EIPR1: variants seen among roughly 807,000 people sequenced by gnomAD.
The protein encoded by EIPR1 is EARP complex and GARP complex interacting protein 1, also known as EARP and GARP complex-interacting protein 1.
EIPR1 carries 25 observed loss-of-function variants against 48.1 expected under a neutral mutation model. That is an observed-to-expected ratio of 0.52 (90% confidence interval 0.38 to 0.73). The LOEUF (loss-of-function observed/expected upper bound fraction) is 0.73, where lower values mean the gene tolerates loss of function less well. Ranked by LOEUF, EIPR1 falls within the 30% of genes least tolerant of loss-of-function variation. EIPR1 has a pLI of 0.00. For synonymous variants in EIPR1, 204 were observed against 201.9 expected, an observed-to-expected ratio of 1.01 and a Z score of -0.09; for missense variants, 415 against 506.2, an observed-to-expected ratio of 0.82 and a Z score of 1.73.
chr2:3,275,379 G>A (rs943218189), intron 3 of EIPR1, among the ~76,000 whole-genome samples: 41 of 149,676 alleles, frequency 2.7e-4, no homozygotes, highest in African/African-American at 1.0e-3. Context: ...AACACATAAA[G>A]CAAAAATTGA....
At chr2:3,234,236 G>A (rs1214899178) in intron 4 of EIPR1, among the ~76,000 whole-genome samples, 2 of 152,238 alleles carry the variant, frequency 1.3e-5, no homozygotes, top group African/African-American at 4.8e-5. Flanking sequence ...ATAAATTGTG[G>A]TTTGTGTCGC....
intron 3 of EIPR1, among the ~76,000 whole-genome samples, chr2:3,328,136 G>A (rs187440021): frequency 3.3e-4 from 50 of 152,252 alleles, no homozygotes; most frequent in African/African-American, 1.1e-3. Flanking sequence ...TGTTGGCACC[G>A]TTCCCTGGAA....
At chr2:3,252,747 C>T (rs2103210810) in intron 4 of EIPR1, among the ~76,000 whole-genome samples, 1 of 152,316 alleles carries the variant, frequency 6.6e-6, no homozygotes, top group African/African-American at 2.4e-5. Context: ...AAGGCCAGCT[C>T]AGGGGCTCCA....
At chr2:3,194,433 G>C in intron 6 of EIPR1, 1 of 293,082 alleles carries the variant, frequency 3.4e-6, no homozygotes, top group Admixed American at 4.6e-5. Context: ...TTGCTTTGTA[G>C]CCGTCAAAAA....
At chr2:3,348,179 G>A (rs1670462029) in intron 2 of EIPR1, among the ~76,000 whole-genome samples, 1 of 152,182 alleles carries the variant, frequency 6.6e-6, no homozygotes, top group Admixed American at 6.5e-5. Context: ...GCTTAGCTGA[G>A]AAACTAAGAC....
At chr2:3,192,286 TG>T in intron 8 of EIPR1, 127 bp downstream of exon 8, 1 of 1,137,052 alleles carries the variant, frequency 8.8e-7, no homozygotes, top group Non-Finnish European at 1.2e-6. Flanking sequence ...ACAGCTGCAG[TG>T]GGTAAGGAGA....
intron 2 of EIPR1, among the ~76,000 whole-genome samples, chr2:3,351,641 C>T (rs1363617441): frequency 6.6e-6 from 1 of 152,174 alleles, no homozygotes; most frequent in African/African-American, 2.4e-5. Context: ...TTCAGGTGGC[C>T]ACTGGTAACT....
At chr2:3,329,504 C>T (rs1211214852) in intron 3 of EIPR1, among the ~76,000 whole-genome samples, 2 of 149,708 alleles carry the variant, frequency 1.3e-5, no homozygotes, top group African/African-American at 2.5e-5. Context: ...AGAGCCCACC[C>T]GCCACACTCT....
intron 2 of EIPR1, among the ~76,000 whole-genome samples, chr2:3,349,502 A>G (rs1240750862): frequency 6.6e-6 from 1 of 152,268 alleles, no homozygotes; most frequent in Non-Finnish European, 1.5e-5. Context: ...AGAACTGCAC[A>G]ATACCACCAC....
At chr2:3,352,158 C>A (rs558634575) in intron 2 of EIPR1, among the ~76,000 whole-genome samples, 2 of 146,134 alleles carry the variant, frequency 1.4e-5, no homozygotes, top group East Asian at 4.2e-4. Flanking sequence ...CTGAGCCACC[C>A]ACACTGTCTG....
At chr2:3,291,517 T>G (rs777689024) in intron 3 of EIPR1, among the ~76,000 whole-genome samples, 2 of 152,204 alleles carry the variant, frequency 1.3e-5, no homozygotes, top group Non-Finnish European at 2.9e-5. Flanking sequence ...CAAAATTATA[T>G]CATAAAAACG....
At chr2:3,352,952 G>A (rs1443158662) in intron 2 of EIPR1, among the ~76,000 whole-genome samples, 8 of 152,194 alleles carry the variant, frequency 5.3e-5, no homozygotes, top group Non-Finnish European at 7.3e-5. Context: ...AGCTGAGATC[G>A]TGCCATTGCA....
At position 3,226,051 on chromosome 2, in the gene EIPR1, T is replaced by C. The variant is rs116811906; in HGVS notation, c.417-11803A>G. On this transcript the variant is annotated intron_variant, in intron 4 of 8. Coordinates refer to ENST00000382125, the MANE Select transcript of EIPR1 (RefSeq NM_003310.5). ...ATCCCTTCATCTGTCAAATGGACAA[T>C]TGCGTATTTTCTACATCTTGGCTAC... Among the ~76,000 whole-genome samples the C allele has an allele frequency of 5.6e-3, 860 of 152,344 alleles. 10 individuals carry two copies. Among genetic ancestry groups the C allele is most frequent in the African/African-American group, 0.02 (816 of 41,584 alleles).
intron 4 of EIPR1, among the ~76,000 whole-genome samples, chr2:3,227,691 T>C (rs988444708): frequency 2.6e-5 from 4 of 152,152 alleles, no homozygotes; most frequent in Non-Finnish European, 4.4e-5. Flanking sequence ...CCCAGAGGCC[T>C]AAGAGAAAAA....
At position 3,189,412 on chromosome 2, in the gene EIPR1, C is replaced by A. The variant is rs1307494248; in HGVS notation, c.1086G>T (p.Leu362=). 6 of 1,601,866 alleles carry A rather than the reference C, an allele frequency of 3.7e-6. No individual in the cohort carries two copies. Among genetic ancestry groups the A allele is most frequent in the South Asian group, 1.1e-5 (1 of 89,280 alleles). ...TCCCGTCATAGCTCAGGGAGGCAAA[C>A]AGCCACGGGTCAGCCGAGGACCAGT... The part of the protein sequence containing the change: ...AVDWSSADPW[L]FASLSYDGRL... Residue 362 remains leucine, a synonymous_variant, in exon 9 of 9, where the codon CTG becomes CTT. Coordinates refer to ENST00000382125, the MANE Select transcript of EIPR1 (RefSeq NM_003310.5). The surrounding 1 kb of genome is among the most constrained non-coding windows in gnomAD (Gnocchi z 4.6).
intron 5 of EIPR1, among the ~76,000 whole-genome samples, chr2:3,199,005 C>T (rs1322096692): frequency 6.9e-6 from 1 of 145,412 alleles, no homozygotes; most frequent in African/African-American, 2.5e-5. Flanking sequence ...GGGTGTGTTT[C>T]ATCCCTCATC....
intron 4 of EIPR1, among the ~76,000 whole-genome samples, chr2:3,216,051 G>C (rs1298648542): frequency 1.3e-5 from 2 of 152,154 alleles, no homozygotes; most frequent in East Asian, 1.9e-4. Flanking sequence ...GACTCTAATG[G>C]TGAAGATACT....
At chr2:3,343,757 A>G (rs1353013764) in intron 2 of EIPR1, among the ~76,000 whole-genome samples, 1 of 152,218 alleles carries the variant, frequency 6.6e-6, no homozygotes, top group Non-Finnish European at 1.5e-5. Context: ...GCCACAGCCC[A>G]GGGCCAGGCT....
intron 4 of EIPR1, among the ~76,000 whole-genome samples, chr2:3,214,914 G>A (rs1437446480): frequency 6.6e-6 from 1 of 151,542 alleles, no homozygotes; most frequent in African/African-American, 2.4e-5. Context: ...CTCACAATGG[G>A]ATTCATGCCT....
Sources: gnomAD v4.1 joint callset for allele counts (sites outside exome capture counted in the v4.1 genomes callset) on GRCh38, gnomAD v4.1.1 for gene constraint, Gnocchi (gnomAD v3.1) non-coding constraint, MANE v1.5 for transcripts, NCBI Gene and HGNC (gene_info 2026-07-23, HGNC 2026-07-21) for gene names.